Variants in ARB2A observed in about 807,000 individuals in gnomAD.
ARB2A encodes the protein cotranscriptional regulator ARB2A.
the ARB2A span, among the ~76,000 whole-genome samples, chr5:93,989,388 T>A: frequency 6.6e-6 from 1 of 152,196 alleles, no homozygotes; most frequent in Non-Finnish European, 1.5e-5. Context: ...AATATTACTA[T>A]TTTTATGCCT....
At chr5:94,042,940 A>G in the ARB2A span, among the ~76,000 whole-genome samples, 2 of 152,190 alleles carry the variant, frequency 1.3e-5, no homozygotes, top group Non-Finnish European at 2.9e-5. Context: ...TAATTGTTAC[A>G]TAAAATCACT....
the ARB2A span, among the ~76,000 whole-genome samples, chr5:94,011,774 G>A: frequency 6.6e-6 from 1 of 151,638 alleles, no homozygotes; most frequent in Non-Finnish European, 1.5e-5. Flanking sequence ...CTAGTCCAGA[G>A]CAGAAAGAGA....
chr5:93,932,894 A>C, the ARB2A span, among the ~76,000 whole-genome samples: 2 of 152,096 alleles, frequency 1.3e-5, no homozygotes, highest in Non-Finnish European at 2.9e-5. Flanking sequence ...ATATGTGTTA[A>C]GTATTCATCT....
the ARB2A span, among the ~76,000 whole-genome samples, chr5:93,834,719 T>G: frequency 1.3e-5 from 2 of 152,188 alleles, no homozygotes; most frequent in Non-Finnish European, 2.9e-5. Flanking sequence ...AATCCCAATT[T>G]TATAAATGTG....
At chr5:93,671,537 AAGT>A in the ARB2A span, among the ~76,000 whole-genome samples, 1 of 152,106 alleles carries the variant, frequency 6.6e-6, no homozygotes, top group Non-Finnish European at 1.5e-5. Flanking sequence ...GATTAATAAA[AAGT>A]AGGATTTACA....
the ARB2A span, among the ~76,000 whole-genome samples, chr5:94,097,398 G>C: frequency 6.6e-6 from 1 of 152,174 alleles, no homozygotes; most frequent in South Asian, 2.1e-4. Context: ...GATATGGTTT[G>C]GCTATGTCCC....
the ARB2A span, among the ~76,000 whole-genome samples, chr5:93,914,782 G>A: frequency 6.6e-6 from 1 of 151,560 alleles, no homozygotes; most frequent in Non-Finnish European, 1.5e-5. Context: ...AATAACTGAG[G>A]GTTATTAAGA....
chr5:93,947,975 G>A, the ARB2A span, among the ~76,000 whole-genome samples: 4 of 152,042 alleles, frequency 2.6e-5, no homozygotes, highest in South Asian at 2.1e-4. Flanking sequence ...ATAAACATAT[G>A]TGTGCATGTG....
At chr5:93,816,903 T>C in the ARB2A span, among the ~76,000 whole-genome samples, 1 of 152,254 alleles carries the variant, frequency 6.6e-6, no homozygotes, top group Admixed American at 6.5e-5. Flanking sequence ...GACAAGGATG[T>C]CCATGCTAGC....
chr5:94,013,445 G>A, the ARB2A span, among the ~76,000 whole-genome samples: 1,873 of 152,094 alleles, frequency 0.012, 43 homozygotes, highest in African/African-American at 0.042. Flanking sequence ...CAAAGTGCTG[G>A]GATTACAGGC....
chr5:94,070,417 T>C, the ARB2A span, among the ~76,000 whole-genome samples: 1 of 152,014 alleles, frequency 6.6e-6, no homozygotes, highest in South Asian at 2.1e-4. Context: ...GTTCTAATGT[T>C]CAATAGCATA....
At chr5:93,674,703 A>T in the ARB2A span, among the ~76,000 whole-genome samples, 1 of 152,216 alleles carries the variant, frequency 6.6e-6, no homozygotes, top group South Asian at 2.1e-4. Flanking sequence ...CTTTTGCTTT[A>T]ACTTAAAAAA....
the ARB2A span, among the ~76,000 whole-genome samples, chr5:93,752,820 C>T: frequency 1.3e-5 from 2 of 152,038 alleles, no homozygotes; most frequent in East Asian, 1.9e-4. Context: ...ACTGAAAACA[C>T]AGAGTTCCTG....
chr5:94,030,126 A>G, the ARB2A span, among the ~76,000 whole-genome samples: 1 of 152,206 alleles, frequency 6.6e-6, no homozygotes, highest in African/African-American at 2.4e-5. Flanking sequence ...ACATGGGAAT[A>G]ACGGGAGCTA....
the ARB2A span, among the ~76,000 whole-genome samples, chr5:93,909,140 T>C: frequency 6.6e-6 from 1 of 151,136 alleles, no homozygotes. Context: ...AATAATTGAA[T>C]ATTAAGAAAA....
At chr5:93,970,653 G>C in the ARB2A span, among the ~76,000 whole-genome samples, 1 of 152,066 alleles carries the variant, frequency 6.6e-6, no homozygotes, top group Non-Finnish European at 1.5e-5. Context: ...ATAAATCATT[G>C]CCTAGTAGAA....
At chr5:94,044,797 T>G in the ARB2A span, among the ~76,000 whole-genome samples, 2 of 151,242 alleles carry the variant, frequency 1.3e-5, no homozygotes, top group African/African-American at 4.9e-5. Flanking sequence ...GCCATGAGAG[T>G]GACCTCTGGT....
chr5:93,774,118 G>A, the ARB2A span, among the ~76,000 whole-genome samples: 1 of 152,060 alleles, frequency 6.6e-6, no homozygotes, highest in Non-Finnish European at 1.5e-5. Context: ...TTGTTTTGAG[G>A]TGCCACAAAC....
At chr5:93,921,836 A>G in the ARB2A span, among the ~76,000 whole-genome samples, 2 of 152,172 alleles carry the variant, frequency 1.3e-5, no homozygotes, top group Admixed American at 1.3e-4. Flanking sequence ...TGGTTCCATC[A>G]ATGCTTTGTC....
Sources: allele counts gnomAD v4.1 joint callset (sites outside exome capture counted in the v4.1 genomes callset), GRCh38; gene constraint gnomAD v4.1.1; transcripts MANE v1.5; gene names NCBI Gene and HGNC (gene_info 2026-07-23, HGNC 2026-07-21).